The following NUMB variants were observed in gnomAD, a reference collection of about 807,000 sequenced individuals.
NUMB encodes NUMB endocytic adaptor protein.
A neutral mutation model predicts 59.7 loss-of-function variants in NUMB; 29 were observed. That is an observed-to-expected ratio of 0.49 (90% CI 0.36 to 0.66). The LOEUF is 0.66. Among genes scored for constraint, NUMB ranks in the 30% least tolerant of loss-of-function variants. NUMB has a pLI of 0.00. For missense variants in NUMB, 723 were observed against 822.0 expected (o/e 0.88, Z 1.47); for synonymous variants, 288 against 288.2 (o/e 1.00, Z 0.01).
intron 6 of NUMB, among the ~76,000 whole-genome samples, chr14:73,314,864 CAA>C (rs1891002258): frequency 1.3e-5 from 2 of 151,976 alleles, no homozygotes; most frequent in South Asian, 4.1e-4. Context: ...AAATACACCA[CAA>C]AAAGTTTCCT....
Position 73,282,471 on chromosome 14 carries a change from G to C in NUMB, c.984C>G (p.Ser328Arg). 6.2e-7 allele frequency: 1 copy of C among 1,614,118 alleles called. No homozygotes were observed. The highest frequency in any genetic ancestry group is 8.5e-7 in the Non-Finnish European group (1 of 1,179,990). ...PEVEGEAESI[S>R]SLCSQITNAF... ...CATTGGTGATCTGTGAGCACAGGGA[G>C]CTGATGCTCTCTGCCTCCCCTTCTA... Residue 328 changes from serine to arginine, a missense_variant, in exon 11 of 13, where the codon AGC (serine) becomes AGG (arginine). This residue lies in a region of NUMB where 317 missense variants were observed against 436.6 expected (regional missense o/e 0.73). Transcript: ENST00000555238.
chr14:73,372,357 AT>A (rs1276994815), intron 2 of NUMB, among the ~76,000 whole-genome samples: 4 of 121,714 alleles, frequency 3.3e-5, no homozygotes, highest in Non-Finnish European at 5.5e-5. Flanking sequence ...ATATATATAT[AT>A]AACCTTTTAT....
chr14:73,299,657 G>C (rs990890504), intron 6 of NUMB, among the ~76,000 whole-genome samples: 1 of 151,358 alleles, frequency 6.6e-6, no homozygotes, highest in Admixed American at 6.6e-5. Context: ...CTGTTTCTTT[G>C]GAGGATCGTG....
At chr14:73,329,725 C>T (rs1346243365) in intron 4 of NUMB, among the ~76,000 whole-genome samples, 2 of 152,214 alleles carry the variant, frequency 1.3e-5, no homozygotes, top group African/African-American at 2.4e-5. Flanking sequence ...CCTTATTCCT[C>T]TCTTGAACTC....
chr14:73,356,018 G>C (rs557057628), intron 3 of NUMB, among the ~76,000 whole-genome samples: 1 of 134,542 alleles, frequency 7.4e-6, no homozygotes, highest in Non-Finnish European at 1.6e-5. Context: ...ACTAGTCCTT[G>C]TAAGAACAAT....
At chr14:73,374,867 C>T (rs1894874800) in intron 2 of NUMB, among the ~76,000 whole-genome samples, 1 of 151,700 alleles carries the variant, frequency 6.6e-6, no homozygotes, top group African/African-American at 2.4e-5. Context: ...ATTACAGGCG[C>T]CCACCACCAT....
intron 10 of NUMB, 77 bp downstream of exon 10, chr14:73,284,004 G>T: frequency 7.6e-7 from 1 of 1,323,472 alleles, no homozygotes; most frequent in Non-Finnish European, 1.1e-6. Context: ...AGTTTAATGG[G>T]ATTAGTGTCT....
rs10582204 is a variant in NUMB at position 73,313,668 on chromosome 14, G to GAAAAAAAA, written c.234+2714_234+2721dup. 8.1e-3 allele frequency among the ~76,000 whole-genome samples: 1,005 copies of GAAAAAAAA among 124,024 alleles called. 21 individuals carry two copies. Among genetic ancestry groups the GAAAAAAAA allele is most frequent in the African/African-American group, 0.021 (655 of 30,914 alleles). The allele number at this position is 124,024 out of a possible 152,430, so 81.4% of individuals were successfully genotyped here. ...TATATATGCAAATATTCCAAAATCT[G>GAAAAAAAA]AAAAAAAAAAAAAAAAATCCAAAAT... On this transcript the variant is annotated intron_variant, in intron 6 of 12. Transcript: ENST00000555238.
chr14:73,372,311 A>ATATATATATATATATATATTTCTTT (rs1894723283), intron 2 of NUMB, among the ~76,000 whole-genome samples: 1 of 93,716 alleles, frequency 1.1e-5, no homozygotes, highest in Non-Finnish European at 1.9e-5. Context: ...TCTTTTATAT[A>ATATATATATATATATATATTTCTTT]TATATATATA....
At chr14:73,383,979 T>C (rs1348228673) in intron 2 of NUMB, among the ~76,000 whole-genome samples, 1 of 151,874 alleles carries the variant, frequency 6.6e-6, no homozygotes. Flanking sequence ...ATCATGCCAC[T>C]GCACTCCAGC....
rs566278013 is a variant in NUMB at position 73,305,552 on chromosome 14, C to T, written c.235-8267G>A. On this transcript the variant is annotated intron_variant, in intron 6 of 12. Transcript: ENST00000555238. Reference sequence around the variant, plus strand: ...GACATTTGGAGGCAAGACAGCTCTGCGGGCATACGCTAGGTAAGAGCAAAA... The same window carrying T: ...GACATTTGGAGGCAAGACAGCTCTGTGGGCATACGCTAGGTAAGAGCAAAA... 1.8e-4 allele frequency among the ~76,000 whole-genome samples: 27 copies of T among 152,172 alleles called. No homozygotes were observed. In the South Asian group the frequency reaches 3.3e-3, roughly 19 times the overall value.
intron 3 of NUMB, among the ~76,000 whole-genome samples, chr14:73,357,960 C>G (rs1893896814): frequency 6.6e-6 from 1 of 151,128 alleles, no homozygotes; most frequent in African/African-American, 2.4e-5. Flanking sequence ...TTCTTCATTT[C>G]TTCGTCTTAG....
intron 1 of NUMB, among the ~76,000 whole-genome samples, chr14:73,424,154 T>G (rs1394176225): frequency 6.6e-6 from 1 of 152,066 alleles, no homozygotes. Flanking sequence ...CACTCATTTC[T>G]GAATATGAGA....
chr14:73,338,024 C>T (rs1892437260), intron 4 of NUMB, among the ~76,000 whole-genome samples: 1 of 152,152 alleles, frequency 6.6e-6, no homozygotes, highest in African/African-American at 2.4e-5. Context: ...GTGGCTCACA[C>T]CTGTAATCCC....
chr14:73,452,575 G>A (rs7350737), intron 1 of NUMB, among the ~76,000 whole-genome samples: 23,809 of 152,078 alleles, frequency 0.16, 2,689 homozygotes, highest in Non-Finnish European at 0.23. Context: ...CAGGGTTTTC[G>A]TGGGTAGAGA....
chr14:73,282,526 G>T (rs1324301490), intron 10 of NUMB, 21 bp from the exon 11 acceptor site: 10 of 1,607,944 alleles, frequency 6.2e-6, no homozygotes, highest in Non-Finnish European at 8.5e-6. Context: ...AACAGAAAAT[G>T]GCTCCAGACA....
chr14:73,352,019 G>C (rs1893317647), intron 4 of NUMB, among the ~76,000 whole-genome samples: 1 of 151,518 alleles, frequency 6.6e-6, no homozygotes, highest in Non-Finnish European at 1.5e-5. Flanking sequence ...AAAATAAAAT[G>C]CTTAATAGGA....
intron 3 of NUMB, among the ~76,000 whole-genome samples, chr14:73,358,014 T>C (rs879519705): frequency 2.0e-5 from 3 of 152,060 alleles, no homozygotes; most frequent in Non-Finnish European, 4.4e-5. Context: ...GCCAGACACC[T>C]GAAAATCATC....
chr14:73,411,975 A>C (rs181676588), intron 1 of NUMB, among the ~76,000 whole-genome samples: 1 of 140,758 alleles, frequency 7.1e-6, no homozygotes, highest in Admixed American at 7.8e-5. Flanking sequence ...CCCAGGCTAG[A>C]GTGCAGTGGT....
Sources: gnomAD v4.1 joint callset for allele counts (sites outside exome capture counted in the v4.1 genomes callset) on GRCh38, gnomAD v4.1.1 for gene constraint, gnomAD v4.1.1 regional missense constraint, MANE v1.5 for transcripts, NCBI Gene and HGNC (gene_info 2026-07-23, HGNC 2026-07-21) for gene names.